Variants in PARVB observed in about 807,000 individuals in gnomAD.
PARVB encodes the protein beta-parvin.
A neutral mutation model predicts 47.0 loss-of-function variants in PARVB; 46 were observed. That is an observed-to-expected ratio of 0.98 (90% CI 0.77 to 1.25). PARVB has a LOEUF of 1.25. Among genes scored for constraint, PARVB ranks in the 50% most tolerant of loss-of-function variants. The pLI is 0.00. For missense variants in PARVB, 473 were observed against 471.6 expected, an observed-to-expected ratio of 1.00 and a Z score of -0.03; for synonymous variants, 196 against 196.3, an observed-to-expected ratio of 1.00 and a Z score of 0.01.
Position 44,089,018 on chromosome 22 carries a change from T to G in PARVB, c.113-4910T>G, listed in dbSNP as rs970361585. 3.3e-5 allele frequency among the ~76,000 whole-genome samples: 5 copies of G among 152,186 alleles called. No homozygotes were observed. The highest frequency in any genetic ancestry group is 7.4e-5 in the Non-Finnish European group (5 of 68,026). On this transcript the variant is annotated intron_variant, in intron 1 of 12. Transcript: ENST00000338758. This position sits in a 1 kb window ranked among gnomAD's most constrained non-coding sequence, Gnocchi z 4.0. ...CAAACCCCACATTTCCAGCTTTTCTTGAAAACTCAGATCTGGTGACTGCAG... is the reference window on the plus strand; with the variant it reads ...CAAACCCCACATTTCCAGCTTTTCTGGAAAACTCAGATCTGGTGACTGCAG...
intron 1 of PARVB, among the ~76,000 whole-genome samples, chr22:44,090,770 G>A (rs985884860): frequency 1.3e-5 from 2 of 152,258 alleles, no homozygotes; most frequent in Admixed American, 1.3e-4. Context: ...GCAGGCAGCT[G>A]TGCTGGACGG....
At chr22:44,071,099 T>C (rs973956123) in intron 1 of PARVB, among the ~76,000 whole-genome samples, 1 of 152,138 alleles carries the variant, frequency 6.6e-6, no homozygotes, top group East Asian at 1.9e-4. Context: ...GGGGCCAGTG[T>C]GGGGTGTGGG....
intron 1 of PARVB, among the ~76,000 whole-genome samples, chr22:44,050,534 C>T (rs536817962): frequency 6.6e-6 from 1 of 152,240 alleles, no homozygotes; most frequent in Middle Eastern, 3.4e-3. Context: ...GATGGGGTTT[C>T]TCCATGTTGG....
intron 11 of PARVB, among the ~76,000 whole-genome samples, chr22:44,160,189 T>C (rs1470428729): frequency 6.6e-6 from 1 of 152,180 alleles, no homozygotes; most frequent in Non-Finnish European, 1.5e-5. Context: ...GGTCATCATT[T>C]TGGGAGACTC....
At chr22:43,999,847 A>AC (rs1555889963) in intron 2 of PARVB, among the ~76,000 whole-genome samples, 104 of 144,190 alleles carry the variant, frequency 7.2e-4, no homozygotes, top group South Asian at 3.0e-3. Context: ...AAAAAAAAAA[A>AC]AAAAAAAAAA....
intron 1 of PARVB, among the ~76,000 whole-genome samples, chr22:44,030,429 T>C (rs1603425344): frequency 6.6e-6 from 1 of 152,108 alleles, no homozygotes; most frequent in Non-Finnish European, 1.5e-5. Context: ...TGAGCAACGG[T>C]GCAGCCTGTG....
At position 44,132,931 on chromosome 22, in the gene PARVB, G is replaced by T. The variant is rs1046561959; in HGVS notation, c.555G>T (p.Leu185=). The change falls in exon 6 of 13, where the codon CTG becomes CTT. Residue 185 remains leucine, a synonymous_variant. Coordinates refer to ENST00000338758, the MANE Select transcript of PARVB (RefSeq NM_013327.5). ...AGAACCTGGTGGCCATCCTCCACCT[G>T]CTGGTCTCTCTGGCCATGCACTTCA... is the stretch of plus-strand genomic sequence containing the variant. ...HGKNLVAILH[L]LVSLAMHFRA... 6.2e-7 allele frequency: 1 copy of T among 1,614,018 alleles called. No individual in the cohort carries two copies. Among genetic ancestry groups the T allele is most frequent in the Non-Finnish European group, 8.5e-7 (1 of 1,179,936 alleles).
At chr22:44,081,615 C>T in intron 1 of PARVB, 1 of 985,302 alleles carries the variant, frequency 1.0e-6, no homozygotes. Context: ...TTCTGCTTTC[C>T]TTTATGAAGT....
At chr22:44,020,911 G>C (rs920370296), upstream of PARVB, among the ~76,000 whole-genome samples, 3 of 152,018 alleles carry the variant, frequency 2.0e-5, no homozygotes, top group Non-Finnish European at 2.9e-5. Flanking sequence ...CTCCCAAGTA[G>C]CTGGGATTAC....
chr22:44,051,200 C>T (rs945613031), intron 1 of PARVB, among the ~76,000 whole-genome samples: 6 of 152,176 alleles, frequency 3.9e-5, no homozygotes, highest in Admixed American at 3.9e-4. Context: ...TTGACAGGTG[C>T]CATGCCGTCA....
chr22:44,020,269 T>C (rs2050632836), upstream of PARVB, among the ~76,000 whole-genome samples: 1 of 151,604 alleles, frequency 6.6e-6, no homozygotes, highest in Non-Finnish European at 1.5e-5. Flanking sequence ...CTCGACCTCC[T>C]GGGCTCAAGT....
chr22:44,078,606 A>G (rs1028508293), intron 1 of PARVB, among the ~76,000 whole-genome samples: 1 of 152,112 alleles, frequency 6.6e-6, no homozygotes, highest in Non-Finnish European at 1.5e-5. Context: ...CACATCTACA[A>G]AGTCCCCCTC....
chr22:43,999,554 G>C, exon 2 of PARVB: 1 of 1,599,094 alleles, frequency 6.3e-7, no homozygotes. Flanking sequence ...GAGCTGAGAC[G>C]TGGGTGTTCC....
At chr22:44,151,847 A>C in intron 10 of PARVB, 1 of 345,780 alleles carries the variant, frequency 2.9e-6, no homozygotes, top group Non-Finnish European at 5.5e-6. Flanking sequence ...GGTTCCCTCC[A>C]AGGCTGTGAG....
intron 4 of PARVB, among the ~76,000 whole-genome samples, chr22:44,129,881 C>T (rs1051250680): frequency 3.3e-5 from 5 of 152,218 alleles, no homozygotes; most frequent in Non-Finnish European, 7.3e-5. Context: ...TAGGACAGTG[C>T]CTGTCCCATA....
chr22:44,004,652 C>T (rs777596372), intron 2 of PARVB, among the ~76,000 whole-genome samples: 2 of 152,234 alleles, frequency 1.3e-5, no homozygotes, highest in Non-Finnish European at 2.9e-5. Flanking sequence ...CTTCCCGCCT[C>T]ACGTAGTTCC....
intron 6 of PARVB, among the ~76,000 whole-genome samples, chr22:44,133,465 C>G (rs981755296): frequency 6.6e-6 from 1 of 152,224 alleles, no homozygotes; most frequent in Non-Finnish European, 1.5e-5. Context: ...GAAATGGAAC[C>G]AGAACCCAGG....
chr22:44,088,202 A>T (rs537608982), intron 1 of PARVB, among the ~76,000 whole-genome samples: 4 of 152,152 alleles, frequency 2.6e-5, no homozygotes, highest in African/African-American at 9.7e-5. Context: ...AAGGCCTACT[A>T]TGTGCAGGAA....
intron 1 of PARVB, among the ~76,000 whole-genome samples, chr22:44,058,479 A>T (rs2051356056): frequency 1.3e-5 from 2 of 151,358 alleles, no homozygotes; most frequent in Non-Finnish European, 2.9e-5. Flanking sequence ...TCCGAACTTG[A>T]TTACATCTGC....
Sources: gnomAD v4.1 joint callset for allele counts (sites outside exome capture counted in the v4.1 genomes callset) on GRCh38, gnomAD v4.1.1 for gene constraint, Gnocchi (gnomAD v3.1) non-coding constraint, MANE v1.5 for transcripts, NCBI Gene and HGNC (gene_info 2026-07-23, HGNC 2026-07-21) for gene names.